Variants in POC1A observed in about 807,000 individuals in gnomAD.
POC1A encodes the protein POC1 centriolar protein homolog A.
In POC1A, 34 loss-of-function variants were observed where a neutral mutation model predicts 47.8. That is an observed-to-expected ratio of 0.71 (90% confidence interval 0.54 to 0.95). The LOEUF (loss-of-function observed/expected upper bound fraction) is 0.95, where lower values mean the gene tolerates loss of function less well. Among genes scored for constraint, POC1A ranks in the 40% least tolerant of loss-of-function variants. The pLI is 0.00. For synonymous variants in POC1A, 177 were observed against 207.6 expected (o/e 0.85, Z 1.27); for missense variants, 466 against 528.3 (o/e 0.88, Z 1.16).
intron 7 of POC1A, among the ~76,000 whole-genome samples, chr3:52,136,271 C>T (rs530234704): frequency 3.3e-5 from 5 of 152,242 alleles, no homozygotes; most frequent in Admixed American, 6.5e-5. Flanking sequence ...GAGCCTCACA[C>T]GCTGACTCCC....
At chr3:52,153,240 T>C (rs1350263632) in intron 1 of POC1A, among the ~76,000 whole-genome samples, 1 of 149,480 alleles carries the variant, frequency 6.7e-6, no homozygotes, top group African/African-American at 2.4e-5. Flanking sequence ...TAGCAGCTTG[T>C]GTCTTAACAC....
chr3:52,148,784 C>T (rs987843067), intron 4 of POC1A, among the ~76,000 whole-genome samples: 2 of 152,350 alleles, frequency 1.3e-5, no homozygotes, highest in East Asian at 3.9e-4. Flanking sequence ...TGCTCTGGGA[C>T]AAGATACTAC....
chr3:52,089,686 A>G (rs1385800727), intron 10 of POC1A, among the ~76,000 whole-genome samples: 1 of 152,190 alleles, frequency 6.6e-6, no homozygotes, highest in Non-Finnish European at 1.5e-5. Context: ...GGGAAGACGC[A>G]CTGGGTGACT....
At chr3:52,109,334 T>C (rs952833469) in intron 9 of POC1A, among the ~76,000 whole-genome samples, 3 of 152,142 alleles carry the variant, frequency 2.0e-5, no homozygotes, top group Admixed American at 6.5e-5. Flanking sequence ...AACTCTTCTT[T>C]AAAATGTGGG....
intron 10 of POC1A, among the ~76,000 whole-genome samples, chr3:52,088,144 GGCCTGGAAGTCTCAGTATA>G (rs1232701626): frequency 2.6e-5 from 4 of 152,180 alleles, no homozygotes; most frequent in African/African-American, 7.2e-5. Flanking sequence ...GCTTGCTGGA[GGCCTGGAAGTCTCAGTATA>G]GCCTGGCGAG....
chr3:52,095,462 C>T (rs1281517142), intron 10 of POC1A, among the ~76,000 whole-genome samples: 2 of 152,232 alleles, frequency 1.3e-5, no homozygotes, highest in African/African-American at 4.8e-5. Flanking sequence ...CCGTTAGTGA[C>T]ATCAAGGGTC....
At chr3:52,108,109 C>T (rs182444252) in intron 9 of POC1A, among the ~76,000 whole-genome samples, 67 of 152,324 alleles carry the variant, frequency 4.4e-4, no homozygotes, top group African/African-American at 1.6e-3. Flanking sequence ...ATACTGGACA[C>T]CACCAGAAAA....
Position 52,075,993 on chromosome 3 carries a change from A to T in POC1A, c.1126-8T>A, listed in dbSNP as rs781738275. On this transcript the variant is annotated splice_region_variant and splice_polypyrimidine_tract_variant and intron_variant, in intron 10 of 10. Coordinates refer to ENST00000296484, the MANE Select transcript of POC1A (RefSeq NM_015426.5). ...CTCCAGAATGGAGACTGTCTGCAAAATAAACAGTGGTTGGGTCAGAACACA... is the reference window on the plus strand; with the variant it reads ...CTCCAGAATGGAGACTGTCTGCAAATTAAACAGTGGTTGGGTCAGAACACA... The T allele has an allele frequency of 8.7e-6, 14 of 1,609,042 alleles. No homozygotes were observed. Among genetic ancestry groups the T allele is most frequent in the Admixed American group, 1.7e-5 (1 of 59,996 alleles).
chr3:52,114,695 T>G (rs886674631), intron 9 of POC1A, among the ~76,000 whole-genome samples: 2 of 152,106 alleles, frequency 1.3e-5, no homozygotes, highest in South Asian at 4.1e-4. Flanking sequence ...CTCCTCTGTG[T>G]GGCATAGGGG....
At chr3:52,127,690 G>A (rs1033442538) in intron 7 of POC1A, among the ~76,000 whole-genome samples, 2 of 150,666 alleles carry the variant, frequency 1.3e-5, no homozygotes, top group African/African-American at 4.9e-5. Flanking sequence ...ACTGCACCCA[G>A]TCACAAACCT....
At chr3:52,122,043 T>C (rs1173937117) in intron 9 of POC1A, among the ~76,000 whole-genome samples, 1 of 152,218 alleles carries the variant, frequency 6.6e-6, no homozygotes, top group Non-Finnish European at 1.5e-5. Context: ...TTGGGTCCTG[T>C]GACCCAGGGT....
At chr3:52,083,579 C>CT (rs1237323509) in intron 10 of POC1A, among the ~76,000 whole-genome samples, 6 of 152,174 alleles carry the variant, frequency 3.9e-5, no homozygotes. Flanking sequence ...TGGGCTTGTC[C>CT]TGCACTTTTT....
intron 9 of POC1A, among the ~76,000 whole-genome samples, chr3:52,107,303 G>A (rs185132861): frequency 5.6e-4 from 85 of 152,310 alleles, no homozygotes; most frequent in African/African-American, 1.8e-3. Flanking sequence ...GAACACAGAG[G>A]GGGAGGACTG....
intron 2 of POC1A, 63 bp from the exon 3 acceptor site, chr3:52,150,050 A>C: frequency 7.0e-7 from 1 of 1,426,866 alleles, no homozygotes; most frequent in Non-Finnish European, 9.7e-7. Context: ...CCACCAAGAC[A>C]TTGGAGAGGC....
chr3:52,144,860 A>AGGGT (rs1698313815), intron 6 of POC1A, among the ~76,000 whole-genome samples: 1 of 152,064 alleles, frequency 6.6e-6, no homozygotes, highest in African/African-American at 2.4e-5. Context: ...TCAGCTAGGA[A>AGGGT]GGGTGTGTGT....
chr3:52,117,602 T>C (rs1230575606), intron 9 of POC1A, among the ~76,000 whole-genome samples: 1 of 152,136 alleles, frequency 6.6e-6, no homozygotes, highest in Non-Finnish European at 1.5e-5. Context: ...AAATGAGATC[T>C]TGAGAGGTGA....
chr3:52,110,281 C>T (rs960207017), intron 9 of POC1A, among the ~76,000 whole-genome samples: 3 of 152,152 alleles, frequency 2.0e-5, no homozygotes, highest in African/African-American at 7.2e-5. Flanking sequence ...TAGGAGAGTG[C>T]TCCAGGCAGG....
At chr3:52,139,555 G>C (rs991471438) in intron 6 of POC1A, among the ~76,000 whole-genome samples, 6 of 152,118 alleles carry the variant, frequency 3.9e-5, no homozygotes, top group African/African-American at 1.4e-4. Context: ...TCTCCAGGAA[G>C]CCTCCCCTGG....
intron 10 of POC1A, among the ~76,000 whole-genome samples, chr3:52,077,068 C>T (rs1702137951): frequency 6.6e-6 from 1 of 152,286 alleles, no homozygotes; most frequent in African/African-American, 2.4e-5. Context: ...TTGGACCATG[C>T]TGGCCATGAC....
Sources: allele counts gnomAD v4.1 joint callset (sites outside exome capture counted in the v4.1 genomes callset), GRCh38; gene constraint gnomAD v4.1.1; transcripts MANE v1.5; gene names NCBI Gene and HGNC (gene_info 2026-07-23, HGNC 2026-07-21).